The following HPSE2 variants were observed in gnomAD, a reference collection of about 807,000 sequenced individuals.
HPSE2 encodes the protein inactive heparanase-2.
HPSE2 carries 38 observed loss-of-function variants against 60.5 expected under a neutral mutation model. The observed-to-expected ratio is 0.63, with a 90% confidence interval of 0.48 to 0.82. The LOEUF is 0.82. Ranked by LOEUF, HPSE2 falls within the 40% of genes least tolerant of loss-of-function variation. The pLI, the probability that HPSE2 is intolerant of heterozygous loss-of-function variation, is 0.00. For missense variants in HPSE2, 713 were observed against 740.4 expected, an observed-to-expected ratio of 0.96 and a Z score of 0.43; for synonymous variants, 295 against 293.2, an observed-to-expected ratio of 1.01 and a Z score of -0.06.
intron 9 of HPSE2, among the ~76,000 whole-genome samples, chr10:98,529,768 C>T (rs1309138168): frequency 6.6e-6 from 1 of 152,212 alleles, no homozygotes; most frequent in Non-Finnish European, 1.5e-5. Flanking sequence ...ATGATTGCCA[C>T]TGTACCCTTC....
intron 3 of HPSE2, among the ~76,000 whole-genome samples, chr10:98,790,656 A>G (rs1410585353): frequency 1.3e-5 from 2 of 152,238 alleles, no homozygotes; most frequent in East Asian, 1.9e-4. Flanking sequence ...CAAAAAAATC[A>G]TAAGTTGATG....
chr10:98,704,429 A>C (rs201375033), intron 5 of HPSE2, among the ~76,000 whole-genome samples: 108,100 of 148,644 alleles, frequency 0.73, 40,539 homozygotes, highest in South Asian at 0.94. Flanking sequence ...TATGGAACAA[A>C]AAAAAAAAAG....
chr10:98,937,162 G>A (rs1160654376), intron 3 of HPSE2, among the ~76,000 whole-genome samples: 1 of 143,812 alleles, frequency 7.0e-6, no homozygotes. Flanking sequence ...AAGCGACACA[G>A]AACACGGGTG....
At chr10:98,865,193 T>G (rs374347315) in intron 3 of HPSE2, among the ~76,000 whole-genome samples, 12 of 152,230 alleles carry the variant, frequency 7.9e-5, no homozygotes, top group African/African-American at 2.9e-4. Context: ...CCAGAGGAAT[T>G]TAATCTAGGT....
chr10:98,944,356 C>T (rs1054866192), intron 3 of HPSE2, among the ~76,000 whole-genome samples: 2 of 152,076 alleles, frequency 1.3e-5, no homozygotes, highest in African/African-American at 2.4e-5. Context: ...ACAAGCCTCT[C>T]GGTCACTCTG....
chr10:98,712,511 G>A lies in HPSE2; in HGVS notation c.956+9146C>T, dbSNP rs372026518. Among the ~76,000 whole-genome samples the A allele has an allele frequency of 2.0e-4, 30 of 152,160 alleles. No homozygotes were observed. The East Asian group carries it at 4.4e-3, about 23-fold the overall frequency. ...CATGCTTTGAGGAAAAGATGGAATC[G>A]ATAAATCAGGATTAGGCACTTAGTA... On this transcript the variant is annotated intron_variant, in intron 5 of 11. Coordinates refer to ENST00000370552, the MANE Select transcript of HPSE2 (RefSeq NM_021828.5).
intron 4 of HPSE2, among the ~76,000 whole-genome samples, chr10:98,732,621 C>T (rs1190947979): frequency 6.6e-6 from 1 of 151,918 alleles, no homozygotes; most frequent in Non-Finnish European, 1.5e-5. Context: ...ACAACGTTCA[C>T]AAAAATTAAC....
intron 11 of HPSE2, among the ~76,000 whole-genome samples, chr10:98,473,362 G>A (rs1940858752): frequency 1.3e-5 from 2 of 151,820 alleles, no homozygotes; most frequent in Non-Finnish European, 2.9e-5. Context: ...ACACGCACCT[G>A]TAGTCCCAGC....
intron 3 of HPSE2, among the ~76,000 whole-genome samples, chr10:99,119,737 C>A (rs1337261182): frequency 1.3e-5 from 2 of 152,092 alleles, no homozygotes; most frequent in Non-Finnish European, 2.9e-5. Flanking sequence ...GGCACTGGTA[C>A]AAAAACAGAC....
intron 3 of HPSE2, among the ~76,000 whole-genome samples, chr10:99,113,315 C>G (rs1359972883): frequency 6.6e-6 from 1 of 152,122 alleles, no homozygotes; most frequent in Non-Finnish European, 1.5e-5. Flanking sequence ...GAATCCAAAC[C>G]TACGTCTGTT....
At chr10:98,515,510 T>C (rs1213743375) in intron 9 of HPSE2, among the ~76,000 whole-genome samples, 1 of 152,178 alleles carries the variant, frequency 6.6e-6, no homozygotes, top group East Asian at 1.9e-4. Flanking sequence ...ATGTCAAAAA[T>C]GGTCATTACA....
intron 11 of HPSE2, among the ~76,000 whole-genome samples, chr10:98,462,035 C>T (rs1328034295): frequency 1.3e-5 from 2 of 152,196 alleles, no homozygotes; most frequent in African/African-American, 4.8e-5. Context: ...AATCCCCTAA[C>T]CTCACTGCCC....
intron 2 of HPSE2, among the ~76,000 whole-genome samples, chr10:99,189,030 G>A (rs1848129052): frequency 6.6e-6 from 1 of 152,196 alleles, no homozygotes; most frequent in Non-Finnish European, 1.5e-5. Context: ...CCAAACTGTG[G>A]AGTGGCTGAC....
At chr10:98,589,450 G>C (rs1367456781) in intron 9 of HPSE2, among the ~76,000 whole-genome samples, 2 of 152,138 alleles carry the variant, frequency 1.3e-5, no homozygotes, top group Admixed American at 6.5e-5. Flanking sequence ...ATGAGCCCTG[G>C]GATGAGACTT....
intron 9 of HPSE2, among the ~76,000 whole-genome samples, chr10:98,524,950 T>C (rs1170941624): frequency 6.6e-6 from 1 of 150,780 alleles, no homozygotes; most frequent in Non-Finnish European, 1.5e-5. Flanking sequence ...AAAAATACCA[T>C]GACAGATCAG....
the HPSE2 span, among the ~76,000 whole-genome samples, chr10:99,261,406 GC>G: frequency 2.0e-5 from 3 of 152,118 alleles, no homozygotes; most frequent in African/African-American, 7.2e-5. Context: ...CCCAACAATT[GC>G]CTCTTAAAGA....
chr10:98,532,120 T>C (rs190189477), intron 9 of HPSE2, among the ~76,000 whole-genome samples: 46 of 152,322 alleles, frequency 3.0e-4, no homozygotes, highest in African/African-American at 1.1e-3. Context: ...GTGCAATGTT[T>C]GCCTGTTTAA....
chr10:98,563,638 C>T (rs1944255392), intron 9 of HPSE2, among the ~76,000 whole-genome samples: 1 of 152,104 alleles, frequency 6.6e-6, no homozygotes, highest in Admixed American at 6.6e-5. Flanking sequence ...AAAAAATATA[C>T]AAAGAAGAAA....
chr10:99,236,274 T>C (rs1199422504), upstream of HPSE2, among the ~76,000 whole-genome samples: 1 of 152,066 alleles, frequency 6.6e-6, no homozygotes, highest in Non-Finnish European at 1.5e-5. Context: ...AACCATGCCG[T>C]TGTACCGTCT....
Sources: allele counts gnomAD v4.1 joint callset (sites outside exome capture counted in the v4.1 genomes callset), GRCh38; gene constraint gnomAD v4.1.1; transcripts MANE v1.5; gene names NCBI Gene and HGNC (gene_info 2026-07-23, HGNC 2026-07-21).